Variants in ZNF534 observed in about 807,000 individuals in gnomAD.
ZNF534 encodes the protein KRAB domain only 3.
A neutral mutation model predicts 13.6 loss-of-function variants in ZNF534; 19 were observed. The observed-to-expected ratio is 1.40, with a 90% confidence interval of 0.97 to 2.05. The LOEUF (loss-of-function observed/expected upper bound fraction) is 2.05, where lower values mean the gene tolerates loss of function less well. Among genes scored for constraint, ZNF534 ranks in the 30% most tolerant of loss-of-function variants. The probability of loss-of-function intolerance (pLI) is 0.00; values close to 1 mark genes in which losing one functional copy is unlikely to be tolerated. For missense variants in ZNF534, 782 were observed against 796.3 expected, an observed-to-expected ratio of 0.98 and a Z score of 0.22; for synonymous variants, 244 against 273.8, an observed-to-expected ratio of 0.89 and a Z score of 1.07.
In ZNF534 at chr19:52,437,954, A is replaced by G. The variant is rs756832212; in HGVS notation, c.494A>G (p.Asn165Ser). 4.3e-6 allele frequency: 7 copies of G among 1,613,500 alleles called. No homozygotes were observed. In the Admixed American group the frequency reaches 6.7e-5, roughly 15 times the overall value. ...VKTHIFNNYR[N>S]DFLFSTLLPQ... ...ACCCATATTTTTAATAACTACAGAAATGATTTTCTTTTTTCTACATTACTC... is the reference window on the plus strand; with the variant it reads ...ACCCATATTTTTAATAACTACAGAAGTGATTTTCTTTTTTCTACATTACTC... The change falls in exon 5 of 5, where the codon AAT becomes AGT. Residue 165 changes from asparagine to serine, a missense_variant. Asn to Ser is a conservative substitution (Grantham distance 46). Transcript: ENST00000433050.
chr19:52,434,337 T>C (rs748744489), intron 3 of ZNF534, among the ~76,000 whole-genome samples: 7 of 150,984 alleles, frequency 4.6e-5, no homozygotes, highest in South Asian at 2.1e-4. Context: ...CAAAAAAGGG[T>C]GCCTGTAGTC....
chr19:52,448,964 G>A (rs955194854), intron 4 of ZNF534, among the ~76,000 whole-genome samples: 1 of 151,998 alleles, frequency 6.6e-6, no homozygotes, highest in African/African-American at 2.4e-5. Context: ...TATTCCTTCT[G>A]GTTTTTTTTG....
chr19:52,430,845 CT>C (rs55783711), intron 1 of ZNF534, among the ~76,000 whole-genome samples: 7 of 144,232 alleles, frequency 4.9e-5, no homozygotes, highest in African/African-American at 1.0e-4. Context: ...CACACATGGC[CT>C]TTTTTTTTTC....
chr19:52,437,022 C>T (rs960604058), intron 4 of ZNF534, among the ~76,000 whole-genome samples: 2 of 151,806 alleles, frequency 1.3e-5, no homozygotes, highest in Non-Finnish European at 2.9e-5. Context: ...TTTTATAATG[C>T]GCAGTGGGAG....
At position 52,442,298 on chromosome 19, in the gene ZNF534, G is replaced by A. The variant is rs1434773497; in HGVS notation, c.*2852G>A. Among the ~76,000 whole-genome samples the A allele has an allele frequency of 6.6e-6, 1 of 152,126 alleles. No homozygotes were observed. The highest frequency in any genetic ancestry group is 1.5e-5 in the Non-Finnish European group (1 of 68,018). On this transcript the variant is annotated 3_prime_UTR_variant, in exon 5 of 5. Coordinates refer to ENST00000433050, the MANE Select transcript of ZNF534 (RefSeq NM_001143938.3). ...GGCAAAGAACACCTGGCCCACCCAG[G>A]GCAGAAAAACCGCTTAAGGCGTTCC...
chr19:52,451,187 A>G (rs770271824), exon 5 of ZNF534: 3 of 680,756 alleles, frequency 4.4e-6, no homozygotes, highest in Admixed American at 4.7e-5. Flanking sequence ...CTACCCATAG[A>G]TTTTTCACTT....
intron 4 of ZNF534, among the ~76,000 whole-genome samples, 182 bp downstream of exon 4, chr19:52,435,391 T>C (rs1465422137): frequency 6.6e-6 from 1 of 152,186 alleles, no homozygotes; most frequent in East Asian, 1.9e-4. Context: ...CTTGAGCCAC[T>C]ATACTCTGCA....
At position 52,431,041 on chromosome 19, in the gene ZNF534, G is replaced by A. The variant is rs1233543588; in HGVS notation, c.-67-367G>A. Among the ~76,000 whole-genome samples the A allele has an allele frequency of 2.0e-5, 3 of 151,462 alleles. No individual in the cohort carries two copies. The East Asian group carries it at 5.9e-4, about 30-fold the overall frequency. ...AATTTTTTGTATCCTTAGTAGAGAC[G>A]AGGGTTTCATTATGTTGGCCAGGCT... On this transcript the variant is annotated intron_variant, in intron 1 of 4. Coordinates refer to ENST00000433050, the MANE Select transcript of ZNF534 (RefSeq NM_001143938.3).
At position 52,442,350 on chromosome 19, in the gene ZNF534, T is replaced by C. The variant is rs543325951; in HGVS notation, c.*2904T>C. Among the ~76,000 whole-genome samples, 1 of 152,332 alleles carries C rather than the reference T, an allele frequency of 6.6e-6. No homozygotes were observed. The highest frequency in any genetic ancestry group is 1.5e-5 in the Non-Finnish European group (1 of 68,026). On this transcript the variant is annotated 3_prime_UTR_variant, in exon 5 of 5. Transcript: ENST00000433050. Reference sequence around the variant, plus strand: ...GAACCACAAATAATAGCATGTGCATTCTGTGCCTTAAGGACATGTTCATGC... The same window carrying C: ...GAACCACAAATAATAGCATGTGCATCCTGTGCCTTAAGGACATGTTCATGC...
In ZNF534 at chr19:52,439,406, T is replaced by C. The variant is rs1183132486; in HGVS notation, c.1946T>C (p.Leu649Pro). The change falls in exon 5 of 5, where the codon CTA (leucine) becomes CCA (proline). Residue 649 changes from leucine (L) to proline (P), a missense_variant. This residue lies in a region of ZNF534 where 60 missense variants were observed against 59.9 expected (regional missense o/e 1.00). Transcript: ENST00000433050. Reference sequence around the variant, plus strand: ...AAGGTCTTTAGTAAAAATTCCATCCTAGTACAACATTGCAGTATTCATACC... The same window carrying C: ...AAGGTCTTTAGTAAAAATTCCATCCCAGTACAACATTGCAGTATTCATACC... ...CGKVFSKNSI[L>P]VQHCSIHTRE... 1 of 1,546,964 alleles carries C rather than the reference T, an allele frequency of 6.5e-7. No homozygotes were observed. The highest frequency in any genetic ancestry group is 1.2e-5 in the South Asian group (1 of 83,164).
rs2059174611 is a variant in ZNF534 at position 52,441,825 on chromosome 19, C to G, written c.*2379C>G. On this transcript the variant is annotated 3_prime_UTR_variant, in exon 5 of 5. Coordinates refer to ENST00000433050, the MANE Select transcript of ZNF534 (RefSeq NM_001143938.3). ...AAATCACCACATAATGGAGAGAAAC[C>G]TTACAAATGCAACATATGTGGTAAA... Among the ~76,000 whole-genome samples the G allele has an allele frequency of 6.6e-6, 1 of 152,124 alleles. No homozygotes were observed. Among genetic ancestry groups the G allele is most frequent in the African/African-American group, 2.4e-5 (1 of 41,414 alleles).
At chr19:52,443,791 ATTCT>A (rs1374457580), downstream of ZNF534, among the ~76,000 whole-genome samples, 1 of 151,838 alleles carries the variant, frequency 6.6e-6, no homozygotes, top group African/African-American at 2.4e-5. Context: ...GAGCTCTGAA[ATTCT>A]TTCTTCTGCT....
chr19:52,437,859 G>T lies in ZNF534; in HGVS notation c.399G>T (p.Lys133Asn). The T allele has an allele frequency of 6.2e-7, 1 of 1,613,846 alleles. No homozygotes were observed. The highest frequency in any genetic ancestry group is 2.2e-5 in the East Asian group (1 of 44,868). The change falls in exon 5 of 5, where the codon AAG (lysine) becomes AAT (asparagine). Residue 133 changes from lysine (K) to asparagine (N), a missense_variant. Physicochemically the swap from Lys to Asn is moderately conservative, Grantham distance 94. This residue lies in a region of ZNF534 where 591 missense variants were observed against 574.0 expected (regional missense o/e 1.03). Transcript: ENST00000433050. Reference sequence around the variant, plus strand: ...CTGTAAGGAATATTTATGGATGTAAGCATGTTGAGAAATCTATCAGTGACA... The same window carrying T: ...CTGTAAGGAATATTTATGGATGTAATCATGTTGAGAAATCTATCAGTGACA... Reference protein sequence around the residue: ...FQAVRNIYGCKHVEKSISDNS... With the variant: ...FQAVRNIYGCNHVEKSISDNS...
chr19:52,434,158 G>T (rs745577179), intron 3 of ZNF534, 77 bp downstream of exon 3: 2 of 1,560,692 alleles, frequency 1.3e-6, no homozygotes, highest in African/African-American at 1.4e-5. Flanking sequence ...TGTCTCTCGG[G>T]AGCCCCTGCA....
chr19:52,451,092 ATTAAT>A, intron 4 of ZNF534: 2 of 443,974 alleles, frequency 4.5e-6, no homozygotes, highest in Non-Finnish European at 7.5e-6. Flanking sequence ...TATACACAAT[ATTAAT>A]TTTTTCCCAC....
chr19:52,446,123 G>T (rs2059193624), downstream of ZNF534, among the ~76,000 whole-genome samples: 1 of 152,192 alleles, frequency 6.6e-6, no homozygotes, highest in South Asian at 2.1e-4. Context: ...GTGGGTGCTT[G>T]CTCTCTTCAG....
At chr19:52,435,265 G>T (rs184482155) in intron 4 of ZNF534, 56 bp downstream of exon 4, 78 of 1,525,968 alleles carry the variant, frequency 5.1e-5, no homozygotes, top group Non-Finnish European at 6.7e-5. Flanking sequence ...TTTGAGAAGG[G>T]TCTCACTCTG....
In ZNF534 at chr19:52,441,171, T is replaced by C. The variant is rs559915312; in HGVS notation, c.*1725T>C. On this transcript the variant is annotated 3_prime_UTR_variant, in exon 5 of 5. Coordinates refer to ENST00000433050, the MANE Select transcript of ZNF534 (RefSeq NM_001143938.3). The stretch of plus-strand genomic sequence containing the variant: ...CATCTGCCTTGGCCTCCCAAAGTGC[T>C]GGGATTACAGGCATGAGCTGCTGCA... 6.6e-6 allele frequency among the ~76,000 whole-genome samples: 1 copy of C among 152,284 alleles called. No individual in the cohort carries two copies. The highest frequency in any genetic ancestry group is 2.1e-4 in the South Asian group (1 of 4,816).
rs1337606318 is a variant in ZNF534 at position 52,441,192 on chromosome 19, C to T, written c.*1746C>T. Among the ~76,000 whole-genome samples the T allele has an allele frequency of 6.6e-6, 1 of 152,182 alleles. No individual in the cohort carries two copies. The highest frequency in any genetic ancestry group is 1.5e-5 in the Non-Finnish European group (1 of 68,034). ...GTGCTGGGATTACAGGCATGAGCTG[C>T]TGCACCCAGCTTGAGAAATCATATG... On this transcript the variant is annotated 3_prime_UTR_variant, in exon 5 of 5. Transcript: ENST00000433050.
Sources: gnomAD v4.1 joint callset for allele counts (sites outside exome capture counted in the v4.1 genomes callset) on GRCh38, gnomAD v4.1.1 for gene constraint, gnomAD v4.1.1 regional missense constraint, MANE v1.5 for transcripts, NCBI Gene and HGNC (gene_info 2026-07-23, HGNC 2026-07-21) for gene names.